PPFIA2: variants seen among roughly 807,000 people sequenced by gnomAD.
PPFIA2 encodes PPFI scaffold protein A2.
In PPFIA2, 46 loss-of-function variants were observed where a neutral mutation model predicts 175.5. The ratio of observed to expected loss-of-function variants is 0.26; its 90% CI spans 0.21 to 0.34. The LOEUF (loss-of-function observed/expected upper bound fraction) is 0.34. Among genes scored for constraint, PPFIA2 ranks in the 10% least tolerant of loss-of-function variants. The pLI is 1.00. For synonymous variants in PPFIA2, 568 were observed against 511.4 expected, an observed-to-expected ratio of 1.11 and a Z score of -1.49; for missense variants, 1,179 against 1,506.1, an observed-to-expected ratio of 0.78 and a Z score of 3.60.
chr12:81,463,079 C>T (rs902836486), intron 4 of PPFIA2, among the ~76,000 whole-genome samples: 9 of 151,932 alleles, frequency 5.9e-5, no homozygotes, highest in African/African-American at 2.2e-4. Context: ...CTGGGAACAA[C>T]CTAGACTTCC....
chr12:81,467,636 A>G (rs781689069), intron 4 of PPFIA2, among the ~76,000 whole-genome samples: 19 of 152,186 alleles, frequency 1.2e-4, no homozygotes, highest in Non-Finnish European at 2.2e-4. Flanking sequence ...TTTATCTTCT[A>G]TTATCGTCTC....
intron 28 of PPFIA2, among the ~76,000 whole-genome samples, chr12:81,275,353 AC>A (rs1210129564): frequency 2.6e-5 from 4 of 152,220 alleles, no homozygotes; most frequent in Non-Finnish European, 5.9e-5. Flanking sequence ...CTCCGATGAG[AC>A]GTACGTAGAA....
intron 4 of PPFIA2, among the ~76,000 whole-genome samples, chr12:81,668,902 T>C (rs1235626613): frequency 6.6e-6 from 1 of 152,036 alleles, no homozygotes; most frequent in Non-Finnish European, 1.5e-5. Context: ...CAATTACTGG[T>C]TCACACTATT....
intron 4 of PPFIA2, among the ~76,000 whole-genome samples, chr12:81,500,681 T>C (rs975151381): frequency 5.9e-5 from 9 of 152,192 alleles, no homozygotes; most frequent in Admixed American, 5.2e-4. Flanking sequence ...ATTTGGGTAT[T>C]AGAGTATGTT....
At chr12:81,674,891 AT>A (rs2072174819) in intron 4 of PPFIA2, among the ~76,000 whole-genome samples, 1 of 151,962 alleles carries the variant, frequency 6.6e-6, no homozygotes, top group African/African-American at 2.4e-5. Flanking sequence ...TGACTGTTAC[AT>A]AGCTCCCGGC....
intron 7 of PPFIA2, among the ~76,000 whole-genome samples, chr12:81,433,532 A>G (rs1046342903): frequency 3.9e-5 from 6 of 152,116 alleles, no homozygotes; most frequent in African/African-American, 1.4e-4. Flanking sequence ...TCTTCCTTTC[A>G]GAGACTCTCA....
chr12:81,759,176 T>TCC (rs1480761086), intron 1 of PPFIA2, 104 bp downstream of exon 1: 1 of 10,658 alleles, frequency 9.4e-5, no homozygotes, highest in African/African-American at 3.2e-4. Flanking sequence ...CCCCCTTCCC[T>TCC]CCCCCCCGCC....
At chr12:81,561,238 T>C (rs2070007275) in intron 4 of PPFIA2, among the ~76,000 whole-genome samples, 1 of 152,168 alleles carries the variant, frequency 6.6e-6, no homozygotes, top group Non-Finnish European at 1.5e-5. Flanking sequence ...ATATGCTGTC[T>C]CCTATGTTCC....
chr12:81,644,546 A>G (rs1390732209), intron 4 of PPFIA2, among the ~76,000 whole-genome samples: 1 of 151,956 alleles, frequency 6.6e-6, no homozygotes. Context: ...AACTGACAAA[A>G]TTTTCAAATT....
At chr12:81,709,653 C>A (rs2077641273) in intron 3 of PPFIA2, among the ~76,000 whole-genome samples, 1 of 152,050 alleles carries the variant, frequency 6.6e-6, no homozygotes, top group Admixed American at 6.6e-5. Flanking sequence ...CTTTCAAAGT[C>A]AATAAGCAGA....
intron 4 of PPFIA2, among the ~76,000 whole-genome samples, chr12:81,468,553 T>A (rs1313810944): frequency 6.6e-6 from 1 of 152,192 alleles, no homozygotes; most frequent in South Asian, 2.1e-4. Context: ...TGGCAAACAC[T>A]CCCAGACACA....
At chr12:81,653,384 G>C (rs1016838203) in intron 4 of PPFIA2, among the ~76,000 whole-genome samples, 1 of 152,050 alleles carries the variant, frequency 6.6e-6, no homozygotes, top group African/African-American at 2.4e-5. Flanking sequence ...TCTTAGTGGT[G>C]CTGTAGCAAA....
intron 3 of PPFIA2, among the ~76,000 whole-genome samples, chr12:81,690,106 G>A (rs892046987): frequency 3.3e-5 from 5 of 152,060 alleles, no homozygotes. Context: ...GAATATAGTG[G>A]CATTTTAATG....
intron 7 of PPFIA2, among the ~76,000 whole-genome samples, chr12:81,432,758 GAACT>G (rs891264924): frequency 4.6e-5 from 7 of 151,890 alleles, no homozygotes; most frequent in African/African-American, 7.3e-5. Context: ...CGCCCGGCTA[GAACT>G]AACTATTTAC....
At chr12:81,633,978 T>G (rs1245293831) in intron 4 of PPFIA2, among the ~76,000 whole-genome samples, 1 of 152,118 alleles carries the variant, frequency 6.6e-6, no homozygotes, top group Non-Finnish European at 1.5e-5. Context: ...GGTGAACAGC[T>G]ATTCAAAAGC....
chr12:81,593,634 T>A (rs1415916057), intron 4 of PPFIA2, among the ~76,000 whole-genome samples: 1 of 152,156 alleles, frequency 6.6e-6, no homozygotes, highest in Non-Finnish European at 1.5e-5. Flanking sequence ...AAGAGGATTT[T>A]TTACAAAAGG....
At position 81,381,527 on chromosome 12, in the gene PPFIA2, G is replaced by T. The variant is rs534951050; in HGVS notation, c.984+2496C>A. ...TGAAAGGAAATCATCTAAATCTCCA[G>T]GGCCAAGAGAATGAAGATGGAGAGA... On this transcript the variant is annotated intron_variant, in intron 9 of 32. Transcript: ENST00000549396. 1.1e-3 allele frequency among the ~76,000 whole-genome samples: 168 copies of T among 152,240 alleles called. 1 individual carries two copies. The highest frequency in any genetic ancestry group is 3.9e-3 in the African/African-American group (161 of 41,558).
intron 4 of PPFIA2, among the ~76,000 whole-genome samples, chr12:81,482,150 CT>C (rs1236693468): frequency 6.6e-6 from 1 of 152,146 alleles, no homozygotes; most frequent in Admixed American, 6.5e-5. Flanking sequence ...CTCATCATCA[CT>C]GTTCATTAAA....
chr12:81,641,593 T>G (rs2064977336), intron 4 of PPFIA2, among the ~76,000 whole-genome samples: 1 of 152,088 alleles, frequency 6.6e-6, no homozygotes, highest in Non-Finnish European at 1.5e-5. Flanking sequence ...TGGTCCAGCC[T>G]GTTGGGGGAT....
Sources: gnomAD v4.1 joint callset for allele counts (sites outside exome capture counted in the v4.1 genomes callset) on GRCh38, gnomAD v4.1.1 for gene constraint, MANE v1.5 for transcripts, NCBI Gene and HGNC (gene_info 2026-07-23, HGNC 2026-07-21) for gene names.